SCARA3: variants seen among roughly 807,000 people sequenced by gnomAD.
SCARA3 encodes scavenger receptor class A member 3.
SCARA3 carries 39 observed loss-of-function variants against 47.0 expected under a neutral mutation model. The ratio of observed to expected loss-of-function variants is 0.83; its 90% CI spans 0.64 to 1.08. The LOEUF (loss-of-function observed/expected upper bound fraction) is 1.08. Among genes scored for constraint, SCARA3 ranks in the 50% least tolerant of loss-of-function variants. SCARA3 has a pLI of 0.00. For synonymous variants in SCARA3, 356 were observed against 334.1 expected, an observed-to-expected ratio of 1.07 and a Z score of -0.71; for missense variants, 724 against 792.3, an observed-to-expected ratio of 0.91 and a Z score of 1.04.
downstream of SCARA3, among the ~76,000 whole-genome samples, chr8:27,680,415 A>G (rs1802340047): frequency 6.6e-6 from 1 of 152,164 alleles, no homozygotes. Flanking sequence ...AGGGTAACAA[A>G]GAAACATTTT....
rs200989254 is a variant in SCARA3, at chr8:27,659,271, C to T, written c.1101C>T (p.Thr367=). 25 of 1,614,048 alleles carry T rather than the reference C, an allele frequency of 1.5e-5. No individual in the cohort carries two copies. Among genetic ancestry groups the T allele is most frequent in the South Asian group, 9.9e-5 (9 of 91,072 alleles). The change falls in exon 5 of 6, where the codon ACC becomes ACT. Residue 367 remains threonine, a synonymous_variant. Coordinates refer to ENST00000301904, the MANE Select transcript of SCARA3 (RefSeq NM_016240.3). ...CCATCTTCACCAACATCAATGCCAC[C>T]GACAACCACGTGCACAGCATGCTCA... ...IGTIFTNINA[T]DNHVHSMLKY...
the SCARA3 span, among the ~76,000 whole-genome samples, chr8:27,720,172 G>C: frequency 4.4e-4 from 65 of 148,616 alleles, 1 homozygote; most frequent in African/African-American, 1.4e-3. Flanking sequence ...TCGAAAGCTA[G>C]GTGAGGAAGG....
At chr8:27,708,627 G>C in the SCARA3 span, among the ~76,000 whole-genome samples, 5 of 152,090 alleles carry the variant, frequency 3.3e-5, no homozygotes, top group African/African-American at 1.2e-4. Flanking sequence ...CGTCTTGGTG[G>C]TGGGTTAGCG....
In SCARA3 at chr8:27,646,971, C is replaced by CCT. The variant is rs1563402941; in HGVS notation, c.8-2731_8-2730insCT. The stretch of plus-strand genomic sequence containing the variant: ...ACTTGCCCGCACCCCTGACCGCCCC[C>CCT]GCCCCCCCCCCGCACACACACACTA... On this transcript the variant is annotated intron_variant, in intron 1 of 5. Transcript: ENST00000301904. 1.4e-4 allele frequency among the ~76,000 whole-genome samples: 4 copies of CCT among 28,436 alleles called. 1 individual carries two copies. Among genetic ancestry groups the CCT allele is most frequent in the Non-Finnish European group, 2.8e-4 (3 of 10,750 alleles). The allele number at this position is 28,436 out of a possible 152,430, so 18.7% of individuals were successfully genotyped here.
At chr8:27,708,724 A>C in the SCARA3 span, among the ~76,000 whole-genome samples, 1 of 152,156 alleles carries the variant, frequency 6.6e-6, no homozygotes, top group Non-Finnish European at 1.5e-5. Context: ...CAGGGGGTAC[A>C]TGTGGAGGTT....
At chr8:27,693,762 G>C in the SCARA3 span, among the ~76,000 whole-genome samples, 147 of 152,292 alleles carry the variant, frequency 9.7e-4, 2 homozygotes, top group African/African-American at 3.4e-3. Flanking sequence ...TGATCTGCAT[G>C]ATAAAAACTA....
At chr8:27,635,710 C>T (rs1194857614) in intron 1 of SCARA3, among the ~76,000 whole-genome samples, 1 of 152,060 alleles carries the variant, frequency 6.6e-6, no homozygotes, top group Non-Finnish European at 1.5e-5. Context: ...CCCACCTCAG[C>T]CTCCTAAAGT....
intron 2 of SCARA3, among the ~76,000 whole-genome samples, chr8:27,650,280 C>A (rs1024377656): frequency 6.6e-6 from 1 of 152,186 alleles, no homozygotes; most frequent in African/African-American, 2.4e-5. Flanking sequence ...CAGGTGTGAG[C>A]CACTGTGCTT....
chr8:27,679,565 G>A (rs1563418352), downstream of SCARA3, among the ~76,000 whole-genome samples: 1 of 152,042 alleles, frequency 6.6e-6, no homozygotes, highest in African/African-American at 2.4e-5. Context: ...AGGTCAAGTA[G>A]GCTAAAAAAA....
At position 27,660,618 on chromosome 8, in the gene SCARA3, T is replaced by TAGATAGATAGATA. The variant is rs1554539818; in HGVS notation, c.1369+1079_1369+1080insAGATAGATAGATA. 2.4e-3 allele frequency among the ~76,000 whole-genome samples: 317 copies of TAGATAGATAGATA among 130,992 alleles called. 2 individuals carry two copies. The highest frequency in any genetic ancestry group is 2.2e-3 in the Admixed American group (28 of 12,664). 85.9% of individuals were successfully genotyped at this position (130,992 alleles called of 152,430 possible). On this transcript the variant is annotated intron_variant, in intron 5 of 5. Coordinates refer to ENST00000301904, the MANE Select transcript of SCARA3 (RefSeq NM_016240.3). ...AAGCAATCAATAGCATAGAGATAGA[T>TAGATAGATAGATA]GATAGATAGATAGATAGATAGATAG...
At chr8:27,696,168 C>T in the SCARA3 span, among the ~76,000 whole-genome samples, 1 of 152,014 alleles carries the variant, frequency 6.6e-6, no homozygotes, top group Non-Finnish European at 1.5e-5. Flanking sequence ...TGCCACCATG[C>T]CTGGCTAATT....
chr8:27,720,085 C>A, the SCARA3 span, among the ~76,000 whole-genome samples: 1 of 152,024 alleles, frequency 6.6e-6, no homozygotes, highest in Admixed American at 6.6e-5. Context: ...GGGATGAGGG[C>A]TTTTCCCCAT....
chr8:27,728,241 G>T, the SCARA3 span, among the ~76,000 whole-genome samples: 2 of 152,240 alleles, frequency 1.3e-5, no homozygotes, highest in Admixed American at 1.3e-4. Context: ...AAGTCTCAGA[G>T]GTGGCTGCAG....
Position 27,656,841 on chromosome 8 carries a change from A to T in SCARA3, c.286A>T (p.Lys96Ter). The T allele has an allele frequency of 6.2e-7, 1 of 1,613,176 alleles. No homozygotes were observed. Among genetic ancestry groups the T allele is most frequent in the South Asian group, 1.1e-5 (1 of 91,072 alleles). ...DISLTQSIYD[K>*]KLVLMQKNLQ... ...CTCCTTGACCCAGTCTATTTATGACAAGAAGCTTGTGTTAATGCAGAAAAA... is the reference window on the plus strand; with the variant it reads ...CTCCTTGACCCAGTCTATTTATGACTAGAAGCTTGTGTTAATGCAGAAAAA... Residue 96 changes from lysine (K) to a stop codon, truncating the protein, a stop_gained, in exon 4 of 6, where the codon AAG (lysine) becomes TAG (stop). Transcript: ENST00000301904. LOFTEE classifies it high-confidence loss of function.
chr8:27,681,628 A>G (rs148727320), downstream of SCARA3, among the ~76,000 whole-genome samples: 293 of 152,282 alleles, frequency 1.9e-3, no homozygotes, highest in Admixed American at 4.8e-3. Context: ...AGGCTGAGAC[A>G]AGAGGATTGC....
the SCARA3 span, among the ~76,000 whole-genome samples, chr8:27,719,314 G>T: frequency 6.6e-6 from 1 of 152,172 alleles, no homozygotes; most frequent in Admixed American, 6.5e-5. Context: ...TCACATGTAA[G>T]TAGGAGCTAA....
At position 27,672,164 on chromosome 8, in the gene SCARA3, C is replaced by A. The variant is rs757586083; in HGVS notation, c.*813C>A. On this transcript the variant is annotated 3_prime_UTR_variant, in exon 6 of 6. Coordinates refer to ENST00000301904, the MANE Select transcript of SCARA3 (RefSeq NM_016240.3). ...TGTCTGTCACAGCACAGTGGGGCCACGAGGCTGACATTCTCTGGCCTTGCA... is the reference window on the plus strand; with the variant it reads ...TGTCTGTCACAGCACAGTGGGGCCAAGAGGCTGACATTCTCTGGCCTTGCA... 1.7e-5 allele frequency: 17 copies of A among 985,464 alleles called. No individual in the cohort carries two copies. The highest frequency in any genetic ancestry group is 2.0e-5 in the Non-Finnish European group (17 of 829,952). 61.0% of individuals were successfully genotyped at this position (985,464 alleles called of 1,614,324 possible).
At chr8:27,712,153 C>T in the SCARA3 span, among the ~76,000 whole-genome samples, 1 of 152,192 alleles carries the variant, frequency 6.6e-6, no homozygotes, top group African/African-American at 2.4e-5. Flanking sequence ...CCCTGGAAAC[C>T]AGTGATCTTT....
At chr8:27,706,145 ATTTG>A in the SCARA3 span, among the ~76,000 whole-genome samples, 1 of 151,886 alleles carries the variant, frequency 6.6e-6, no homozygotes, top group Non-Finnish European at 1.5e-5. Flanking sequence ...GCTTGAGTTT[ATTTG>A]TTTGTTTTTG....
Sources: allele counts gnomAD v4.1 joint callset (sites outside exome capture counted in the v4.1 genomes callset), GRCh38; gene constraint gnomAD v4.1.1; transcripts MANE v1.5; gene names NCBI Gene and HGNC (gene_info 2026-07-23, HGNC 2026-07-21).